The following ZKSCAN1 variants were observed in gnomAD, a reference collection of about 807,000 sequenced individuals.
The protein encoded by ZKSCAN1 is zinc finger protein with KRAB and SCAN domains 1.
ZKSCAN1 carries 14 observed loss-of-function variants against 51.6 expected under a neutral mutation model. The observed-to-expected ratio is 0.27, with a 90% CI of 0.18 to 0.42. ZKSCAN1 has a LOEUF of 0.42. ZKSCAN1 is among the 10% of genes least tolerant of loss of function. The probability of loss-of-function intolerance (pLI) is 1.00; values close to 1 mark genes in which losing one functional copy is unlikely to be tolerated. For missense variants in ZKSCAN1, 531 were observed against 710.0 expected (o/e 0.75, Z 2.86); for synonymous variants, 263 against 261.5 (o/e 1.01, Z -0.06).
rs77343362 is a variant in ZKSCAN1 at position 100,037,047 on chromosome 7, T to C, written c.*2850T>C. On this transcript the variant is annotated 3_prime_UTR_variant, in exon 6 of 6. Coordinates refer to ENST00000324306, the MANE Select transcript of ZKSCAN1 (RefSeq NM_003439.4). ...TTGAAGCAGCTATTTGAAGATGTGT[T>C]TTCTGAGGAAAACAGGCTACAACTG... 1.1e-3 allele frequency: 1,119 copies of C among 985,434 alleles called. 13 individuals are homozygous for C. The African/African-American group carries it at 0.019, about 17-fold the overall frequency. 61.0% of individuals were successfully genotyped at this position (985,434 alleles called of 1,614,324 possible).
At chr7:100,044,418 A>C (rs983344390), downstream of ZKSCAN1, among the ~76,000 whole-genome samples, 6 of 152,118 alleles carry the variant, frequency 3.9e-5, no homozygotes, top group African/African-American at 1.4e-4. Flanking sequence ...CTGTAATCCC[A>C]GCACTTTGGG....
intron 1 of ZKSCAN1, among the ~76,000 whole-genome samples, chr7:100,022,198 G>T (rs546394312): frequency 6.6e-6 from 1 of 152,300 alleles, no homozygotes; most frequent in South Asian, 2.1e-4. Flanking sequence ...GGGACTACAG[G>T]TGCCCGCCAC....
At chr7:100,017,273 A>G (rs188267664) in intron 1 of ZKSCAN1, among the ~76,000 whole-genome samples, 51 of 151,962 alleles carry the variant, frequency 3.4e-4, no homozygotes, top group African/African-American at 1.1e-3. Context: ...CCCAGGCTGG[A>G]GTGCAGTGGT....
At chr7:100,027,005 GA>G (rs1009687560) in intron 3 of ZKSCAN1, among the ~76,000 whole-genome samples, 10 of 149,520 alleles carry the variant, frequency 6.7e-5, no homozygotes, top group South Asian at 4.3e-4. Flanking sequence ...TCTCAAAAAA[GA>G]AAAAAAAAGG....
rs534502110 is a variant in ZKSCAN1 at position 100,021,029 on chromosome 7, C to T, written c.-88-2390C>T. Among the ~76,000 whole-genome samples, 3 of 147,650 alleles carry T rather than the reference C, an allele frequency of 2.0e-5. No individual in the cohort carries two copies. In the Admixed American group the frequency reaches 2.0e-4, roughly 10 times the overall value. ...AGGTGGTGGCATTTTATATTTTTAA[C>T]AAATAGGCTTAAGACCCACCTGAAA... On this transcript the variant is annotated intron_variant, in intron 1 of 5. Coordinates refer to ENST00000324306, the MANE Select transcript of ZKSCAN1 (RefSeq NM_003439.4).
rs993721905 is a variant in ZKSCAN1 at position 100,040,784 on chromosome 7, A to C, written c.*6587A>C. On this transcript the variant is annotated 3_prime_UTR_variant, in exon 6 of 6. Coordinates refer to ENST00000324306, the MANE Select transcript of ZKSCAN1 (RefSeq NM_003439.4). ...ACCCGAGCGCCTTCCCCTCACCTCA[A>C]CCAGAGAAGAGCATCCGGTTGCTTT... is the stretch of plus-strand genomic sequence containing the variant. 1.0e-6 allele frequency: 1 copy of C among 985,340 alleles called. No homozygotes were observed. Among genetic ancestry groups the C allele is most frequent in the Non-Finnish European group, 1.2e-6 (1 of 829,968 alleles). 61.0% of individuals were successfully genotyped at this position (985,340 alleles called of 1,614,324 possible).
chr7:100,025,318 C>CA (rs35796352), intron 3 of ZKSCAN1, among the ~76,000 whole-genome samples: 7,120 of 103,728 alleles, frequency 0.069, 236 homozygotes, highest in East Asian at 0.11. Flanking sequence ...AGTCTGTTTC[C>CA]AAAAAAAAAA....
chr7:100,037,388 G>A lies in ZKSCAN1; in HGVS notation c.*3191G>A, dbSNP rs974045733. On this transcript the variant is annotated 3_prime_UTR_variant, in exon 6 of 6. Transcript: ENST00000324306. ...GGCAAGGCTAAAACCTGAGATTATC[G>A]ATCTATGAGACATCTTGATATGTAA... 9.1e-6 allele frequency: 9 copies of A among 985,322 alleles called. No homozygotes were observed. Among genetic ancestry groups the A allele is most frequent in the Admixed American group, 1.2e-4 (2 of 16,268 alleles). 61.0% of individuals were successfully genotyped at this position (985,322 alleles called of 1,614,324 possible). A position where few individuals can be genotyped will look rare whatever the true frequency, so the allele number is the denominator to read the frequency against.
intron 3 of ZKSCAN1, among the ~76,000 whole-genome samples, chr7:100,025,634 A>G (rs1010437428): frequency 6.6e-6 from 1 of 152,242 alleles, no homozygotes; most frequent in Non-Finnish European, 1.5e-5. Flanking sequence ...TTGTGCGAAC[A>G]TCATAAAGTA....
chr7:100,028,476 G>A (rs1790942254), intron 3 of ZKSCAN1, among the ~76,000 whole-genome samples: 1 of 152,152 alleles, frequency 6.6e-6, no homozygotes, highest in Non-Finnish European at 1.5e-5. Context: ...TTTGAGCACT[G>A]CATTCCAACC....
Position 100,030,487 on chromosome 7 carries a change from C to G in ZKSCAN1, c.799+112C>G, listed in dbSNP as rs1053170221. The G allele has an allele frequency of 9.2e-6, 12 of 1,306,298 alleles. No individual in the cohort carries two copies. The Admixed American group carries it at 2.9e-4, about 31-fold the overall frequency. 80.9% of individuals were successfully genotyped at this position (1,306,298 alleles called of 1,614,324 possible). ...TGTTGAGGAGTTAGAGACTACCTAT[C>G]CCCTTTTGTAGACCAGATGGAAAGT... is the stretch of plus-strand genomic sequence containing the variant. On this transcript the variant is annotated intron_variant, in intron 5 of 5. Coordinates refer to ENST00000324306, the MANE Select transcript of ZKSCAN1 (RefSeq NM_003439.4).
Position 100,024,219 on chromosome 7 carries a change from G to A in ZKSCAN1, c.492G>A (p.Gln164=), listed in dbSNP as rs1417789176. The part of the protein sequence containing the change: ...ARGMVPLDPV[Q]ESSSFDLHHE... The stretch of plus-strand genomic sequence containing the variant: ...GGATGGTGCCTCTGGATCCAGTTCA[G>A]GAGTCCTCGAGCTTTGACCTTCATC... The change falls in exon 3 of 6, where the codon CAG becomes CAA. Residue 164 remains glutamine, a synonymous_variant. Transcript: ENST00000324306. 1 of 1,614,076 alleles carries A rather than the reference G, an allele frequency of 6.2e-7. No individual in the cohort carries two copies. The highest frequency in any genetic ancestry group is 1.7e-5 in the Admixed American group (1 of 59,984).
intron 3 of ZKSCAN1, chr7:100,024,710 G>C (rs1790743103): frequency 6.3e-6 from 1 of 159,206 alleles, no homozygotes; most frequent in African/African-American, 2.4e-5. Flanking sequence ...GACCAGCCTG[G>C]CCAACATGGT....
chr7:100,031,323 G>A (rs1027556194), intron 5 of ZKSCAN1, among the ~76,000 whole-genome samples: 4 of 131,206 alleles, frequency 3.0e-5, no homozygotes, highest in African/African-American at 5.7e-5. Context: ...TGTTTCCCAG[G>A]CTGGCATGCA....
At chr7:100,029,025 G>C (rs766263800) in intron 3 of ZKSCAN1, among the ~76,000 whole-genome samples, 1 of 151,942 alleles carries the variant, frequency 6.6e-6, no homozygotes, top group African/African-American at 2.4e-5. Flanking sequence ...TTAGCTGGGC[G>C]TGGTGGCTCA....
At position 100,023,679 on chromosome 7, in the gene ZKSCAN1, G is replaced by T. The variant is rs777258440; in HGVS notation, c.173G>T (p.Arg58Leu). Reference sequence around the variant, plus strand: ...CCAGACCCAGAGATATTCCGCCAACGCTTCAGGCGCTTCTGTTACCAGAAC... The same window carrying T: ...CCAGACCCAGAGATATTCCGCCAACTCTTCAGGCGCTTCTGTTACCAGAAC... ...PPPDPEIFRQ[R>L]FRRFCYQNTF... The change falls in exon 2 of 6, where the codon CGC becomes CTC. Residue 58 changes from arginine to leucine, a missense_variant. Around this residue, in one of 2 missense-constraint regions of ZKSCAN1, gnomAD observed 403 missense variants for 490.5 expected, o/e 0.82. Coordinates refer to ENST00000324306, the MANE Select transcript of ZKSCAN1 (RefSeq NM_003439.4). 1.2e-5 allele frequency: 20 copies of T among 1,614,148 alleles called. No individual in the cohort carries two copies. Among genetic ancestry groups the T allele is most frequent in the Non-Finnish European group, 1.6e-5 (19 of 1,180,038 alleles).
intron 5 of ZKSCAN1, 41 bp downstream of exon 5, chr7:100,030,416 GTC>G (rs1562825257): frequency 6.3e-7 from 1 of 1,588,718 alleles, no homozygotes; most frequent in Non-Finnish European, 8.6e-7. Context: ...AGATGGTTTT[GTC>G]TCTCTGTGTG....
In ZKSCAN1 at chr7:100,038,762, A is replaced by G. The variant is rs1791467627; in HGVS notation, c.*4565A>G. ...TGTAATCCCAGCACTTTGGGAGACC[A>G]AGGCGGGTGGATCACAAGGTCAGGA... On this transcript the variant is annotated 3_prime_UTR_variant, in exon 6 of 6. Coordinates refer to ENST00000324306, the MANE Select transcript of ZKSCAN1 (RefSeq NM_003439.4). The G allele has an allele frequency of 1.0e-6, 1 of 979,262 alleles. No homozygotes were observed. Among genetic ancestry groups the G allele is most frequent in the Non-Finnish European group, 1.2e-6 (1 of 824,368 alleles). The allele number at this position is 979,262 out of a possible 1,614,324, so 60.7% of individuals were successfully genotyped here. A position where few individuals can be genotyped will look rare whatever the true frequency, so the allele number is the denominator to read the frequency against.
chr7:100,021,271 C>T (rs755936308), intron 1 of ZKSCAN1, among the ~76,000 whole-genome samples: 23 of 151,874 alleles, frequency 1.5e-4, no homozygotes, highest in Non-Finnish European at 8.8e-5. Flanking sequence ...CAGGCGCCTG[C>T]TACCATGCCC....
Sources: allele counts gnomAD v4.1 joint callset (sites outside exome capture counted in the v4.1 genomes callset), GRCh38; gene constraint gnomAD v4.1.1; regional missense constraint gnomAD v4.1.1; transcripts MANE v1.5; gene names NCBI Gene and HGNC (gene_info 2026-07-23, HGNC 2026-07-21).